The following EXOC4 variants were observed in gnomAD, a reference collection of about 807,000 sequenced individuals.
The protein encoded by EXOC4 is SEC8-like 1.
In EXOC4, 71 loss-of-function variants were observed where a neutral mutation model predicts 107.2. That is an observed-to-expected ratio of 0.66 (90% CI 0.55 to 0.81). The LOEUF (loss-of-function observed/expected upper bound fraction) is 0.81, where lower values mean the gene tolerates loss of function less well. Ranked by LOEUF, EXOC4 falls within the 30% of genes least tolerant of loss-of-function variation. EXOC4 has a pLI of 0.00. For synonymous variants in EXOC4, 456 were observed against 441.2 expected (o/e 1.03, Z -0.42); for missense variants, 1,108 against 1,189.6 (o/e 0.93, Z 1.01).
At chr7:133,448,992 C>T (rs184853824) in intron 7 of EXOC4, among the ~76,000 whole-genome samples, 15 of 152,274 alleles carry the variant, frequency 9.9e-5, no homozygotes, top group African/African-American at 2.4e-4. Context: ...GTAATCCCAG[C>T]TATTCAGTAG....
downstream of EXOC4, among the ~76,000 whole-genome samples, chr7:134,068,798 C>T (rs1796223133): frequency 6.6e-6 from 1 of 152,130 alleles, no homozygotes; most frequent in Non-Finnish European, 1.5e-5. Context: ...GGAAAAACTC[C>T]AATACAGACA....
At chr7:133,579,404 G>A (rs2150965765) in intron 9 of EXOC4, among the ~76,000 whole-genome samples, 1 of 152,146 alleles carries the variant, frequency 6.6e-6, no homozygotes, top group Non-Finnish European at 1.5e-5. Flanking sequence ...ATATCTTTTG[G>A]TGTTGAAATA....
At chr7:133,483,638 T>C (rs946875568) in intron 9 of EXOC4, among the ~76,000 whole-genome samples, 5 of 152,222 alleles carry the variant, frequency 3.3e-5, no homozygotes, top group Admixed American at 1.3e-4. Flanking sequence ...ATTATGTTCC[T>C]AATAATCATT....
At chr7:133,678,060 T>C (rs538645900) in intron 10 of EXOC4, among the ~76,000 whole-genome samples, 1 of 152,214 alleles carries the variant, frequency 6.6e-6, no homozygotes, top group East Asian at 1.9e-4. Context: ...CTTTATGATA[T>C]GTAAATTATA....
chr7:133,823,270 G>A (rs1328200905), intron 11 of EXOC4, among the ~76,000 whole-genome samples: 1 of 152,156 alleles, frequency 6.6e-6, no homozygotes, highest in African/African-American at 2.4e-5. Context: ...TCTGCCAGCT[G>A]CACTTTCCAC....
At chr7:133,841,710 A>T (rs1033280189) in intron 11 of EXOC4, among the ~76,000 whole-genome samples, 4 of 152,164 alleles carry the variant, frequency 2.6e-5, no homozygotes, top group African/African-American at 9.7e-5. Flanking sequence ...GGTTTGTTAT[A>T]TAGGTAAATT....
intron 10 of EXOC4, among the ~76,000 whole-genome samples, chr7:133,644,677 A>G (rs1199274442): frequency 6.6e-6 from 1 of 152,290 alleles, no homozygotes; most frequent in African/African-American, 2.4e-5. Flanking sequence ...ATCTGATTCT[A>G]AATCTTGTGT....
intron 10 of EXOC4, among the ~76,000 whole-genome samples, chr7:133,711,877 T>C (rs1794899880): frequency 6.6e-6 from 1 of 152,186 alleles, no homozygotes; most frequent in African/African-American, 2.4e-5. Context: ...GTTTATTTAT[T>C]TATTTATGCC....
At chr7:133,269,026 A>C (rs1016892063) in intron 1 of EXOC4, among the ~76,000 whole-genome samples, 9 of 152,236 alleles carry the variant, frequency 5.9e-5, no homozygotes, top group Non-Finnish European at 1.0e-4. Context: ...CATTTTGAGA[A>C]TAGGAATGGA....
At chr7:134,074,722 T>C in the EXOC4 span, among the ~76,000 whole-genome samples, 1 of 152,072 alleles carries the variant, frequency 6.6e-6, no homozygotes, top group Non-Finnish European at 1.5e-5. Flanking sequence ...AGTGGAGGGA[T>C]AGAGGCAAGG....
At chr7:133,663,057 T>C (rs1793731888) in intron 10 of EXOC4, among the ~76,000 whole-genome samples, 1 of 152,196 alleles carries the variant, frequency 6.6e-6, no homozygotes, top group African/African-American at 2.4e-5. Flanking sequence ...TTCTGTGCAG[T>C]GTCTCCTAGT....
chr7:133,491,315 CAAAT>C (rs1799367604), intron 9 of EXOC4, among the ~76,000 whole-genome samples: 1 of 152,220 alleles, frequency 6.6e-6, no homozygotes, highest in South Asian at 2.1e-4. Flanking sequence ...CCACTTAGCT[CAAAT>C]AAGTCCCTGT....
chr7:133,934,959 A>G (rs773673471), intron 13 of EXOC4, among the ~76,000 whole-genome samples: 6 of 149,510 alleles, frequency 4.0e-5, no homozygotes, highest in South Asian at 2.2e-4. Flanking sequence ...TGCTAATTAG[A>G]TAAATGAGTC....
At position 133,981,792 on chromosome 7, in the gene EXOC4, A is replaced by G. The variant is rs575626188; in HGVS notation, c.2207-15700A>G. ...ATAAATAGTTCTACTATAAAGACAT[A>G]TATATGTATGCAAATGTTGACTGCA... On this transcript the variant is annotated intron_variant, in intron 14 of 17. Transcript: ENST00000253861. Among the ~76,000 whole-genome samples the G allele has an allele frequency of 9.2e-5, 14 of 152,354 alleles. 1 individual carries two copies. In the South Asian group the frequency reaches 2.9e-3, roughly 32 times the overall value.
intron 14 of EXOC4, among the ~76,000 whole-genome samples, chr7:133,971,334 GTATATATATATATATA>G (rs1206467959): frequency 4.8e-5 from 2 of 41,798 alleles, no homozygotes; most frequent in African/African-American, 9.8e-5. Flanking sequence ...GGGAAAATGT[GTATATATATATATATA>G]TATATATATA....
intron 11 of EXOC4, among the ~76,000 whole-genome samples, chr7:133,826,310 A>G (rs1797701674): frequency 6.6e-6 from 1 of 152,190 alleles, no homozygotes; most frequent in Admixed American, 6.5e-5. Context: ...GTACATTTTA[A>G]TTTTGTAGTT....
At chr7:133,837,432 T>A (rs1797940612) in intron 11 of EXOC4, among the ~76,000 whole-genome samples, 1 of 152,166 alleles carries the variant, frequency 6.6e-6, no homozygotes, top group Non-Finnish European at 1.5e-5. Flanking sequence ...CTTTGTCAGA[T>A]TTAATTGGAA....
intron 9 of EXOC4, among the ~76,000 whole-genome samples, chr7:133,628,149 G>T (rs1802502694): frequency 6.6e-6 from 1 of 152,174 alleles, no homozygotes; most frequent in Non-Finnish European, 1.5e-5. Context: ...CTAAATAGTA[G>T]CCATCTTTCC....
At chr7:133,481,949 C>T (rs895265777) in intron 9 of EXOC4, among the ~76,000 whole-genome samples, 4 of 152,112 alleles carry the variant, frequency 2.6e-5, no homozygotes, top group East Asian at 1.9e-4. Flanking sequence ...TACATTATTG[C>T]AGGAGGTAGG....
Sources: allele counts gnomAD v4.1 joint callset (sites outside exome capture counted in the v4.1 genomes callset), GRCh38; gene constraint gnomAD v4.1.1; transcripts MANE v1.5; gene names NCBI Gene and HGNC (gene_info 2026-07-23, HGNC 2026-07-21).